DNAJB1: variants seen among roughly 807,000 people sequenced by gnomAD.
DNAJB1 encodes DnaJ heat shock protein family (Hsp40) member B1.
DNAJB1 carries 14 observed loss-of-function variants against 24.0 expected under a neutral mutation model. The ratio of observed to expected loss-of-function variants is 0.58; its 90% CI spans 0.39 to 0.91. DNAJB1 has a LOEUF of 0.91. Among genes scored for constraint, DNAJB1 ranks in the 40% least tolerant of loss-of-function variants. The pLI is 0.00. For synonymous variants in DNAJB1, 262 were observed against 174.4 expected (o/e 1.50, Z -3.96); for missense variants, 517 against 458.1 (o/e 1.13, Z -1.17).
rs375387436 is a variant in DNAJB1, at chr19:14,518,375, C to T, written c.-26G>A. On this transcript the variant is annotated 5_prime_UTR_variant, in exon 1 of 3. Transcript: ENST00000254322. Reference sequence around the variant, plus strand: ...GACCCCCTCCTGCGGCCCGCCGACCCGCTGTCGCCGTCCCCCGGCTCCGCC... The same window carrying T: ...GACCCCCTCCTGCGGCCCGCCGACCTGCTGTCGCCGTCCCCCGGCTCCGCC... The T allele has an allele frequency of 7.7e-5, 117 of 1,527,084 alleles. No homozygotes were observed. The highest frequency in any genetic ancestry group is 9.2e-5 in the Non-Finnish European group (106 of 1,147,390). 94.6% of individuals were successfully genotyped at this position (1,527,084 alleles called of 1,614,324 possible). A position where few individuals can be genotyped will look rare whatever the true frequency, so the allele number is the denominator to read the frequency against.
rs1260679879 is a variant in DNAJB1, at chr19:14,523,614, G to GT, written c.-90+4111dup. Among the ~76,000 whole-genome samples the GT allele has an allele frequency of 2.6e-3, 363 of 138,440 alleles. 9 individuals carry two copies. Among genetic ancestry groups the GT allele is most frequent in the African/African-American group, 9.5e-3 (341 of 36,072 alleles). 90.8% of individuals were successfully genotyped at this position (138,440 alleles called of 152,430 possible). The stretch of plus-strand genomic sequence containing the variant: ...AGGGTTGAACCCTACACCCGGCCTT[G>GT]TTTTTGTTTTTTTTTTTTTTTGAGA... On this transcript the variant is annotated intron_variant, in intron 2 of 3. Coordinates refer to the DNAJB1 transcript ENST00000396969.
At chr19:14,538,583 A>G (rs1320179455) in intron 1 of DNAJB1, among the ~76,000 whole-genome samples, 1 of 147,758 alleles carries the variant, frequency 6.8e-6, no homozygotes. Context: ...ACCAGGCTGG[A>G]GTGCAGTGGC....
rs778827850 is a variant in DNAJB1 at position 14,517,057 on chromosome 19, G to C, written c.212-11C>G. On this transcript the variant is annotated splice_polypyrimidine_tract_variant and intron_variant, in intron 1 of 2. Transcript: ENST00000254322. ...CACTCCCCTTTAGGCCTGAAAAGCA[G>C]ATTTAGAAGCAGTCAGATGGCTGAA... The C allele has an allele frequency of 6.3e-7, 1 of 1,594,004 alleles. No individual in the cohort carries two copies. The highest frequency in any genetic ancestry group is 8.6e-7 in the Non-Finnish European group (1 of 1,169,164).
At position 14,515,915 on chromosome 19, in the gene DNAJB1, G is replaced by A. The variant is rs756497726; in HGVS notation, c.*25C>T. 4.4e-6 allele frequency: 7 copies of A among 1,602,074 alleles called. No homozygotes were observed. In the South Asian group the frequency reaches 7.8e-5, roughly 18 times the overall value. On this transcript the variant is annotated 3_prime_UTR_variant, in exon 3 of 3. Coordinates refer to ENST00000254322, the MANE Select transcript of DNAJB1 (RefSeq NM_006145.3). ...TCCTTGAGCTCTGGAAAGGTCCCTG[G>A]TCAGTCCTTGGGGAGCTCAGATAGC...
chr19:14,529,483 A>T, upstream of DNAJB1: 2 of 687,262 alleles, frequency 2.9e-6, no homozygotes, highest in Non-Finnish European at 5.3e-6. Flanking sequence ...TGCTAGTCCT[A>T]GTCTTGGTTC....
intron 1 of DNAJB1, among the ~76,000 whole-genome samples, chr19:14,556,040 A>G (rs1231960845): frequency 1.3e-5 from 2 of 152,050 alleles, no homozygotes; most frequent in African/African-American, 4.8e-5. Context: ...AGAACCCTCT[A>G]TGGCTGCCAC....
chr19:14,553,807 G>T (rs183513591), upstream of DNAJB1, among the ~76,000 whole-genome samples: 1 of 152,262 alleles, frequency 6.6e-6, no homozygotes, highest in South Asian at 2.1e-4. Flanking sequence ...GAGCTCAGGC[G>T]ATGAGTGCAG....
At chr19:14,553,444 C>T (rs2073609135), upstream of DNAJB1, among the ~76,000 whole-genome samples, 2 of 152,100 alleles carry the variant, frequency 1.3e-5, no homozygotes, top group Non-Finnish European at 2.9e-5. Context: ...TGTGGCGCCT[C>T]GGGGAGGCTG....
At chr19:14,550,594 G>A (rs1484496101), upstream of DNAJB1, among the ~76,000 whole-genome samples, 1 of 152,132 alleles carries the variant, frequency 6.6e-6, no homozygotes, top group African/African-American at 2.4e-5. Context: ...ACCATCCCCT[G>A]GGGGTCTGGG....
At chr19:14,556,187 TG>T (rs2073715001) in intron 1 of DNAJB1, among the ~76,000 whole-genome samples, 1 of 152,156 alleles carries the variant, frequency 6.6e-6, no homozygotes, top group Admixed American at 6.5e-5. Flanking sequence ...GACTCCTTCC[TG>T]CTCAGCCACG....
At position 14,516,116 on chromosome 19, in the gene DNAJB1, C is replaced by T. The variant is rs370485830; in HGVS notation, c.847G>A (p.Val283Ile). Residue 283 changes from valine (V) to isoleucine (I), a missense_variant, in exon 3 of 3, where the codon GTC (valine) becomes ATC (isoleucine). By Grantham distance (29) the Val-to-Ile change is conservative. Transcript: ENST00000254322. ...GGCCTGATAACATCTTTGAATACGACGGGTATCGTCCTGCCGTCCAGAGTG... is the reference window on the plus strand; with the variant it reads ...GGCCTGATAACATCTTTGAATACGATGGGTATCGTCCTGCCGTCCAGAGTG... ...VPTLDGRTIPVVFKDVIRPGM... is the reference protein window; with the variant it reads ...VPTLDGRTIPIVFKDVIRPGM... The T allele has an allele frequency of 3.5e-5, 56 of 1,613,554 alleles. No homozygotes were observed. The highest frequency in any genetic ancestry group is 4.4e-5 in the Non-Finnish European group (52 of 1,179,948).
In DNAJB1 at chr19:14,516,963, G is replaced by A. The variant is rs779780963; in HGVS notation, c.295C>T (p.His99Tyr). Residue 99 changes from histidine to tyrosine, a missense_variant, in exon 2 of 3, where the codon CAT becomes TAT. Physicochemically the swap from His to Tyr is moderately conservative, Grantham distance 83. Coordinates refer to ENST00000254322, the MANE Select transcript of DNAJB1 (RefSeq NM_006145.3). ...CCGAAGAACTCAGCAAACATGGCAT[G>A]AGGGTCTCCATGGAATGTGTAGCTG... ...SFSYTFHGDP[H>Y]AMFAEFFGGR... 1 of 1,613,412 alleles carries A rather than the reference G, an allele frequency of 6.2e-7. No individual in the cohort carries two copies. The highest frequency in any genetic ancestry group is 1.1e-5 in the South Asian group (1 of 91,078).
intron 2 of DNAJB1, chr19:14,527,429 C>T (rs994692485): frequency 1.3e-5 from 2 of 152,146 alleles, no homozygotes; most frequent in Non-Finnish European, 2.9e-5. Flanking sequence ...ATCCTCCTGC[C>T]TCGGCCTCCC....
At chr19:14,550,742 G>A (rs2073470728), upstream of DNAJB1, among the ~76,000 whole-genome samples, 1 of 152,072 alleles carries the variant, frequency 6.6e-6, no homozygotes, top group Admixed American at 6.6e-5. Context: ...GTATAGTGGC[G>A]TGATCTCAGC....
intron 1 of DNAJB1, among the ~76,000 whole-genome samples, chr19:14,543,447 T>A (rs1250135468): frequency 2.0e-5 from 1 of 51,026 alleles, no homozygotes; most frequent in Non-Finnish European, 4.1e-5. Context: ...TTTTTTTTTT[T>A]TTTTTTTTTG....
chr19:14,555,504 G>T (rs1489241091), intron 1 of DNAJB1, among the ~76,000 whole-genome samples: 3 of 145,092 alleles, frequency 2.1e-5, no homozygotes, highest in Non-Finnish European at 4.5e-5. Flanking sequence ...GGAGTGCAGT[G>T]GTGCAATCTT....
At chr19:14,559,534 TC>T (rs1051051685) in intron 1 of DNAJB1, among the ~76,000 whole-genome samples, 1 of 151,734 alleles carries the variant, frequency 6.6e-6, no homozygotes, top group Non-Finnish European at 1.5e-5. Context: ...ACGCCTATAA[TC>T]CTAGCACTTT....
Position 14,516,962 on chromosome 19 carries a change from T to A in DNAJB1, c.296A>T (p.His99Leu), listed in dbSNP as rs370822819. The A allele has an allele frequency of 3.1e-6, 5 of 1,613,110 alleles. No homozygotes were observed. Among genetic ancestry groups the A allele is most frequent in the Non-Finnish European group, 4.2e-6 (5 of 1,179,920 alleles). Residue 99 changes from histidine (H) to leucine (L), a missense_variant, in exon 2 of 3, where the codon CAT becomes CTT. Physicochemically the swap from His to Leu is moderately conservative, Grantham distance 99 (BLOSUM62 -3). Coordinates refer to ENST00000254322, the MANE Select transcript of DNAJB1 (RefSeq NM_006145.3). The stretch of plus-strand genomic sequence containing the variant: ...ACCGAAGAACTCAGCAAACATGGCA[T>A]GAGGGTCTCCATGGAATGTGTAGCT... Reference protein sequence around the residue: ...SFSYTFHGDPHAMFAEFFGGR... With the variant: ...SFSYTFHGDPLAMFAEFFGGR...
At chr19:14,551,335 A>G (rs987694958), upstream of DNAJB1, among the ~76,000 whole-genome samples, 2 of 152,128 alleles carry the variant, frequency 1.3e-5, no homozygotes, top group African/African-American at 2.4e-5. Flanking sequence ...TCGGCCTCCC[A>G]GAGTACTGGG....
Sources: gnomAD v4.1 joint callset for allele counts (sites outside exome capture counted in the v4.1 genomes callset) on GRCh38, gnomAD v4.1.1 for gene constraint, MANE v1.5 for transcripts, NCBI Gene and HGNC (gene_info 2026-07-23, HGNC 2026-07-21) for gene names.